The following DLEC1 variants were observed in gnomAD, a reference collection of about 807,000 sequenced individuals.
DLEC1 encodes DLEC1 cilia and flagella associated protein.
In DLEC1, 146 loss-of-function variants were observed where a neutral mutation model predicts 198.1. The ratio of observed to expected loss-of-function variants is 0.74; its 90% CI spans 0.64 to 0.85. DLEC1 has a LOEUF of 0.85. Ranked by LOEUF, DLEC1 falls within the 40% of genes least tolerant of loss-of-function variation. The pLI, the probability that DLEC1 is intolerant of heterozygous loss-of-function variation, is 0.00. For missense variants in DLEC1, 2,233 were observed against 2,220.0 expected (o/e 1.01, Z -0.12); for synonymous variants, 897 against 866.8 (o/e 1.03, Z -0.61).
chr3:38,079,708 T>G (rs1174737658), intron 6 of DLEC1, among the ~76,000 whole-genome samples: 1 of 152,168 alleles, frequency 6.6e-6, no homozygotes, highest in Non-Finnish European at 1.5e-5. Flanking sequence ...AGGCATTCCT[T>G]GGCCTGGTGG....
chr3:38,097,123 G>C, intron 15 of DLEC1, 59 bp from the exon 16 acceptor site: 15 of 1,419,832 alleles, frequency 1.1e-5, no homozygotes, highest in Non-Finnish European at 1.5e-5. Context: ...TCCTTCAGCA[G>C]GTACAGAATT....
At chr3:38,119,855 T>A (rs1700362895) in intron 33 of DLEC1, among the ~76,000 whole-genome samples, 2 of 152,282 alleles carry the variant, frequency 1.3e-5, no homozygotes, top group South Asian at 2.1e-4. Flanking sequence ...TTGACAAAGC[T>A]TGTTAAGGCA....
chr3:38,067,850 T>C (rs1255356385), intron 6 of DLEC1, among the ~76,000 whole-genome samples: 1 of 150,758 alleles, frequency 6.6e-6, no homozygotes, highest in Non-Finnish European at 1.5e-5. Context: ...CCTCTTGGGT[T>C]CAAGCAATTC....
intron 19 of DLEC1, among the ~76,000 whole-genome samples, chr3:38,102,881 A>G (rs925776555): frequency 6.6e-6 from 1 of 152,226 alleles, no homozygotes; most frequent in African/African-American, 2.4e-5. Flanking sequence ...TGAGAGGTCC[A>G]GTGTTACTGC....
intron 18 of DLEC1, among the ~76,000 whole-genome samples, 163 bp downstream of exon 18, chr3:38,098,065 G>A (rs899272204): frequency 6.6e-6 from 1 of 152,208 alleles, no homozygotes; most frequent in Non-Finnish European, 1.5e-5. Context: ...TCTCCCCATC[G>A]CTGAGGCAGC....
At chr3:38,084,130 TA>T in intron 6 of DLEC1, 27 bp from the exon 7 acceptor site, 1 of 1,607,408 alleles carries the variant, frequency 6.2e-7, no homozygotes, top group African/African-American at 1.3e-5. Flanking sequence ...TGTTGCTGTC[TA>T]AAAGAGATCA....
chr3:38,041,440 GC>G (rs1700648054), intron 1 of DLEC1, among the ~76,000 whole-genome samples: 1 of 152,120 alleles, frequency 6.6e-6, no homozygotes, highest in Non-Finnish European at 1.5e-5. Context: ...ACTGTGCCTG[GC>G]CCACATTATA....
intron 6 of DLEC1, among the ~76,000 whole-genome samples, chr3:38,079,281 A>T (rs1465403848): frequency 2.0e-5 from 3 of 152,194 alleles, no homozygotes; most frequent in Admixed American, 6.5e-5. Context: ...GGATAACTAA[A>T]AGGAGTGCTT....
rs760706733 is a variant in DLEC1 at position 38,117,247 on chromosome 3, G to C, written c.4345G>C (p.Asp1449His). ...EIPGKRHRLQ[D>H]FAVGPLKLDL... ...TCCAGGGAAGAGGCATCGCCTGCAG[G>C]ACTTTGCGGTGGGACCCCTGAAACT... Residue 1449 changes from aspartate to histidine, a missense_variant, in exon 31 of 37, where the codon GAC becomes CAC. Coordinates refer to ENST00000308059, the MANE Select transcript of DLEC1 (RefSeq NM_007335.4). The C allele has an allele frequency of 6.2e-7, 1 of 1,614,024 alleles. No homozygotes were observed. Among genetic ancestry groups the C allele is most frequent in the East Asian group, 2.2e-5 (1 of 44,886 alleles).
intron 6 of DLEC1, among the ~76,000 whole-genome samples, chr3:38,064,914 G>A (rs926581175): frequency 2.6e-5 from 4 of 151,962 alleles, no homozygotes; most frequent in African/African-American, 2.4e-5. Context: ...AGGCAGAGAC[G>A]CTCCTCACTT....
At chr3:38,041,518 G>A (rs1204545524) in intron 1 of DLEC1, among the ~76,000 whole-genome samples, 1 of 152,102 alleles carries the variant, frequency 6.6e-6, no homozygotes, top group African/African-American at 2.4e-5. Context: ...AGAAATTTCA[G>A]AATGCAGAAA....
At chr3:38,071,204 A>C (rs959631456) in intron 6 of DLEC1, among the ~76,000 whole-genome samples, 1 of 152,182 alleles carries the variant, frequency 6.6e-6, no homozygotes, top group Non-Finnish European at 1.5e-5. Context: ...GTTTTGGATG[A>C]ATTGAGAAAC....
rs1010062801 is a variant in DLEC1 at position 38,123,416 on chromosome 3, C to T, written c.*1004C>T. On this transcript the variant is annotated 3_prime_UTR_variant, in exon 37 of 37. Coordinates refer to ENST00000308059, the MANE Select transcript of DLEC1 (RefSeq NM_007335.4). ...CCTCCCCAGGGATCGATCATAATCCCAAAAGACACAATCCCAAACACAATC... is the reference window on the plus strand; with the variant it reads ...CCTCCCCAGGGATCGATCATAATCCTAAAAGACACAATCCCAAACACAATC... The T allele has an allele frequency of 9.2e-6, 3 of 325,336 alleles. No individual in the cohort carries two copies. Among genetic ancestry groups the T allele is most frequent in the Admixed American group, 4.7e-5 (1 of 21,120 alleles). 20.2% of individuals were successfully genotyped at this position (325,336 alleles called of 1,614,324 possible). A position where few individuals can be genotyped will look rare whatever the true frequency, so the allele number is the denominator to read the frequency against.
chr3:38,073,626 C>T lies in DLEC1; in HGVS notation c.1173+9707C>T, dbSNP rs543089631. Among the ~76,000 whole-genome samples the T allele has an allele frequency of 4.6e-5, 7 of 152,154 alleles. No individual in the cohort carries two copies. In the East Asian group the frequency reaches 5.8e-4, roughly 13 times the overall value. On this transcript the variant is annotated intron_variant, in intron 6 of 36. Transcript: ENST00000308059. ...AGCAGATAATTTGGTTAAAATATCT[C>T]GGCCTAATAAGGGAACTGGGCAGGT...
chr3:38,099,326 C>T (rs775626715), intron 18 of DLEC1, among the ~76,000 whole-genome samples: 7 of 152,230 alleles, frequency 4.6e-5, no homozygotes, highest in Non-Finnish European at 8.8e-5. Context: ...AGCGGCATCA[C>T]ATCTGATCCC....
chr3:38,082,342 T>A (rs1425102681), intron 6 of DLEC1, among the ~76,000 whole-genome samples: 1 of 137,346 alleles, frequency 7.3e-6, no homozygotes, highest in African/African-American at 2.8e-5. Context: ...GCTCCTCACA[T>A]CCCAGACGAT....
intron 11 of DLEC1, 79 bp from the exon 12 acceptor site, chr3:38,093,526 G>T (rs927467474): frequency 6.5e-7 from 1 of 1,543,128 alleles, no homozygotes; most frequent in African/African-American, 1.4e-5. Context: ...TGTGGATGGC[G>T]GCATGGGTCC....
In DLEC1 at chr3:38,121,718, CG is replaced by C. The variant is rs1700472921; in HGVS notation, c.4958del (p.Arg1653GlnfsTer7). The C allele has an allele frequency of 1.2e-6, 2 of 1,613,944 alleles. No individual in the cohort carries two copies. Among genetic ancestry groups the C allele is most frequent in the African/African-American group, 1.3e-5 (1 of 74,896 alleles). ...DFGTCFVSQQ[R>X]VREVYLMNLS... is the part of the protein sequence containing the mutation. Reference sequence around the variant, plus strand: ...TGGGACCTGCTTTGTGAGCCAGCAGCGAGTCCGGGAGGTCTACCTGATGAAC... The same window carrying C: ...TGGGACCTGCTTTGTGAGCCAGCAGCAGTCCGGGAGGTCTACCTGATGAAC... On this transcript the variant is annotated frameshift_variant, in exon 35 of 37. Coordinates refer to ENST00000308059, the MANE Select transcript of DLEC1 (RefSeq NM_007335.4). LOFTEE classifies it high-confidence loss of function.
At chr3:38,050,879 G>A (rs1414009083) in intron 2 of DLEC1, among the ~76,000 whole-genome samples, 1 of 152,048 alleles carries the variant, frequency 6.6e-6, no homozygotes, top group African/African-American at 2.4e-5. Flanking sequence ...TTCACTGATA[G>A]GTTGGTTATA....
Sources: allele counts gnomAD v4.1 joint callset (sites outside exome capture counted in the v4.1 genomes callset), GRCh38; gene constraint gnomAD v4.1.1; transcripts MANE v1.5; gene names NCBI Gene and HGNC (gene_info 2026-07-23, HGNC 2026-07-21).